Variants in TNFRSF8 observed in about 807,000 individuals in gnomAD.
The protein encoded by TNFRSF8 is tumor necrosis factor receptor superfamily member 8.
In TNFRSF8, 26 loss-of-function variants were observed where a neutral mutation model predicts 70.8. That is an observed-to-expected ratio of 0.37 (90% CI 0.27 to 0.51). The LOEUF (loss-of-function observed/expected upper bound fraction) is 0.51, where lower values mean the gene tolerates loss of function less well. TNFRSF8 is among the 20% of genes least tolerant of loss of function. The pLI, the probability that TNFRSF8 is intolerant of heterozygous loss-of-function variation, is 0.94. For missense variants in TNFRSF8, 720 were observed against 807.9 expected (o/e 0.89, Z 1.32); for synonymous variants, 356 against 339.2 (o/e 1.05, Z -0.54).
At position 12,088,226 on chromosome 1, in the gene TNFRSF8, C is replaced by T. The variant is rs900929447; in HGVS notation, c.151+3675C>T. Among the ~76,000 whole-genome samples, 2 of 152,186 alleles carry T rather than the reference C, an allele frequency of 1.3e-5. No individual in the cohort carries two copies. On this transcript the variant is annotated intron_variant, in intron 2 of 14. Transcript: ENST00000263932. The surrounding 1 kb of genome is among the most constrained non-coding windows in gnomAD (Gnocchi z 4.0). ...GTCCCCAGCCCTTTGCTTACATACT[C>T]TTGGTGACGGGGAGCTCATTCACTG...
Position 12,135,625 on chromosome 1 carries a change from T to A in TNFRSF8, c.1335+12T>A, listed in dbSNP as rs372145923. The stretch of plus-strand genomic sequence containing the variant: ...GGAGGAGCTCAACGGTAAGTACCCC[T>A]CCCTTGCCCCCACCTCAGCTTCGTG... On this transcript the variant is annotated intron_variant, in intron 13 of 14. Transcript: ENST00000263932. 1.2e-6 allele frequency: 2 copies of A among 1,613,894 alleles called. No individual in the cohort carries two copies. Among genetic ancestry groups the A allele is most frequent in the African/African-American group, 2.7e-5 (2 of 74,918 alleles).
intron 12 of TNFRSF8, among the ~76,000 whole-genome samples, chr1:12,131,982 T>C (rs1419043590): frequency 1.3e-5 from 2 of 151,208 alleles, no homozygotes; most frequent in African/African-American, 4.9e-5. Flanking sequence ...TTAGTAGAGA[T>C]GGGGTTTCAC....
At chr1:12,075,330 C>A (rs563752771) in intron 1 of TNFRSF8, among the ~76,000 whole-genome samples, 1 of 151,824 alleles carries the variant, frequency 6.6e-6, no homozygotes, top group Non-Finnish European at 1.5e-5. Flanking sequence ...AAGCAATCCT[C>A]CCACCTTGGC....
At chr1:12,065,517 A>G (rs1023753000) in intron 1 of TNFRSF8, among the ~76,000 whole-genome samples, 1 of 152,230 alleles carries the variant, frequency 6.6e-6, no homozygotes, top group Non-Finnish European at 1.5e-5. Flanking sequence ...TGATCCCTTC[A>G]AAGATATAAC....
intron 2 of TNFRSF8, among the ~76,000 whole-genome samples, chr1:12,090,635 T>C (rs576127098): frequency 6.8e-6 from 1 of 147,828 alleles, no homozygotes; most frequent in East Asian, 2.2e-4. Context: ...CATTCATTCA[T>C]TGATTCACCC....
intron 1 of TNFRSF8, among the ~76,000 whole-genome samples, chr1:12,077,470 C>T (rs941175030): frequency 6.6e-6 from 1 of 152,134 alleles, no homozygotes; most frequent in African/African-American, 2.4e-5. Flanking sequence ...TGCCACAGTC[C>T]CTAGAAGCAG....
At chr1:12,111,818 T>TG (rs967317029) in intron 6 of TNFRSF8, 80 bp from the exon 7 acceptor site, 3 of 1,161,784 alleles carry the variant, frequency 2.6e-6, no homozygotes, top group Non-Finnish European at 2.6e-6. Flanking sequence ...CGGTGAGGGA[T>TG]GGGGGGCTTC....
At chr1:12,117,329 C>T (rs1278789576) in intron 8 of TNFRSF8, among the ~76,000 whole-genome samples, 3 of 152,068 alleles carry the variant, frequency 2.0e-5, no homozygotes, top group East Asian at 1.9e-4. Context: ...GTGATCTGCC[C>T]GCCTCCACCT....
chr1:12,125,204 A>T (rs1389201786), intron 10 of TNFRSF8, among the ~76,000 whole-genome samples: 1 of 152,238 alleles, frequency 6.6e-6, no homozygotes, highest in Admixed American at 6.5e-5. Context: ...TGCAATCACT[A>T]GCTCTATGAT....
chr1:12,067,567 T>C (rs962887220), intron 1 of TNFRSF8, among the ~76,000 whole-genome samples: 3 of 151,942 alleles, frequency 2.0e-5, no homozygotes, highest in Admixed American at 2.0e-4. Flanking sequence ...CAGGCGCCTG[T>C]AATCCCAGCT....
intron 8 of TNFRSF8, among the ~76,000 whole-genome samples, chr1:12,118,391 G>A (rs113367479): frequency 0.016 from 2,472 of 152,246 alleles, 77 homozygotes; most frequent in African/African-American, 0.056. Context: ...GATTACAGGC[G>A]TGAGCCACCG....
chr1:12,137,243 G>A (rs1642162772), intron 13 of TNFRSF8, among the ~76,000 whole-genome samples: 1 of 151,802 alleles, frequency 6.6e-6, no homozygotes, highest in South Asian at 2.1e-4. Context: ...TCCTGTTTTG[G>A]GAAAGTAGAA....
chr1:12,067,502 A>T (rs1640762562), intron 1 of TNFRSF8, among the ~76,000 whole-genome samples: 2 of 152,156 alleles, frequency 1.3e-5, no homozygotes, highest in African/African-American at 4.8e-5. Context: ...CAGCCTGGTC[A>T]ACGTGGTGAG....
chr1:12,063,640 G>A lies in TNFRSF8; in HGVS notation c.42G>A (p.Gly14=). 7.8e-7 allele frequency: 1 copy of A among 1,288,004 alleles called. No homozygotes were observed. Among genetic ancestry groups the A allele is most frequent in the Non-Finnish European group, 9.9e-7 (1 of 1,008,360 alleles). 79.8% of individuals were successfully genotyped at this position (1,288,004 alleles called of 1,614,324 possible). ...LLAALGLLFL[G]ALRAFPQDRP... ...CCGCGCTGGGACTGCTGTTCCTGGG[G>A]GCGCTACGAGCCTTCCCACAGGTAA... The change falls in exon 1 of 15, where the codon GGG becomes GGA. Residue 14 remains glycine (G), a synonymous_variant. Coordinates refer to ENST00000263932, the MANE Select transcript of TNFRSF8 (RefSeq NM_001243.5). This position sits in a 1 kb window ranked among gnomAD's most constrained non-coding sequence, Gnocchi z 7.2.
At chr1:12,128,833 CTTTTTTTTTT>C (rs60878706) in intron 12 of TNFRSF8, among the ~76,000 whole-genome samples, 1 of 111,776 alleles carries the variant, frequency 8.9e-6, no homozygotes, top group East Asian at 2.6e-4. Flanking sequence ...GTCTAAAATT[CTTTTTTTTTT>C]TTTTTTTTTG....
In TNFRSF8 at chr1:12,109,749, T is replaced by C; in HGVS notation, c.512+93T>C. 8.8e-7 allele frequency: 1 copy of C among 1,140,324 alleles called. No homozygotes were observed. The highest frequency in any genetic ancestry group is 2.0e-5 in the Admixed American group (1 of 51,096). 70.6% of individuals were successfully genotyped at this position (1,140,324 alleles called of 1,614,324 possible). A position where few individuals can be genotyped will look rare whatever the true frequency, so the allele number is the denominator to read the frequency against. ...CAGGACGCCCATGGTACAACTGGGCTGGGGGTGTAAGCGGGATTCAGCCCA... is the reference window on the plus strand; with the variant it reads ...CAGGACGCCCATGGTACAACTGGGCCGGGGGTGTAAGCGGGATTCAGCCCA... On this transcript the variant is annotated intron_variant, in intron 5 of 14. Transcript: ENST00000263932. This position sits in a 1 kb window ranked among gnomAD's most constrained non-coding sequence, Gnocchi z 4.4.
At chr1:12,084,323 G>A in intron 1 of TNFRSF8, 141 bp from the exon 2 acceptor site, 1 of 760,068 alleles carries the variant, frequency 1.3e-6, no homozygotes, top group South Asian at 1.7e-5. Context: ...GGCGGTGTGG[G>A]TTTGTGGAAT....
chr1:12,118,842 ATTTGTTTTTTTG>A (rs1641780652), intron 8 of TNFRSF8, among the ~76,000 whole-genome samples: 1 of 151,854 alleles, frequency 6.6e-6, no homozygotes, highest in African/African-American at 2.4e-5. Context: ...TTCTGGTTGC[ATTTGTTTTTTTG>A]TTTGTTTGTT....
At chr1:12,102,280 C>T (rs772645236) in intron 3 of TNFRSF8, among the ~76,000 whole-genome samples, 24 of 152,168 alleles carry the variant, frequency 1.6e-4, no homozygotes, top group African/African-American at 2.7e-4. Context: ...AGTCTCTTTG[C>T]GGGAAGACGC....
Sources: gnomAD v4.1 joint callset for allele counts (sites outside exome capture counted in the v4.1 genomes callset) on GRCh38, gnomAD v4.1.1 for gene constraint, Gnocchi (gnomAD v3.1) non-coding constraint, MANE v1.5 for transcripts, NCBI Gene and HGNC (gene_info 2026-07-23, HGNC 2026-07-21) for gene names.